MDH1B: variants seen among roughly 807,000 people sequenced by gnomAD.
MDH1B encodes malate dehydrogenase 1B.
A neutral mutation model predicts 61.4 loss-of-function variants in MDH1B; 60 were observed. That is an observed-to-expected ratio of 0.98 (90% CI 0.79 to 1.21). The LOEUF is 1.21. Ranked by LOEUF, MDH1B falls within the 50% of genes most tolerant of loss-of-function variation. The pLI is 0.00. For missense variants in MDH1B, 587 were observed against 632.1 expected, an observed-to-expected ratio of 0.93 and a Z score of 0.76; for synonymous variants, 236 against 218.7, an observed-to-expected ratio of 1.08 and a Z score of -0.70.
At chr2:206,740,989 C>A (rs549319180) in intron 10 of MDH1B, 65 bp downstream of exon 10, 10 of 1,603,782 alleles carry the variant, frequency 6.2e-6, no homozygotes, top group East Asian at 2.2e-5. Flanking sequence ...TATTCTCTAA[C>A]AACTGGACAA....
chr2:206,742,370 G>C (rs1687860355), intron 9 of MDH1B, among the ~76,000 whole-genome samples: 1 of 152,128 alleles, frequency 6.6e-6, no homozygotes, highest in Non-Finnish European at 1.5e-5. Flanking sequence ...GATGAAGCTG[G>C]GGACACTGAG....
At chr2:206,757,935 A>G (rs1688858657) in intron 2 of MDH1B, among the ~76,000 whole-genome samples, 1 of 152,228 alleles carries the variant, frequency 6.6e-6, no homozygotes, top group African/African-American at 2.4e-5. Context: ...ACAGTCAAAC[A>G]GAAACATTTT....
At chr2:206,739,215 G>T (rs2105912545) in intron 11 of MDH1B, among the ~76,000 whole-genome samples, 1 of 152,234 alleles carries the variant, frequency 6.6e-6, no homozygotes, top group African/African-American at 2.4e-5. Flanking sequence ...AGGAGTTTGA[G>T]ACCAGCCTGG....
rs1199963625 is a variant in MDH1B at position 206,756,964 on chromosome 2, A to G, written c.347T>C (p.Ile116Thr). The G allele has an allele frequency of 1.9e-6, 3 of 1,614,052 alleles. No homozygotes were observed. The highest frequency in any genetic ancestry group is 2.5e-6 in the Non-Finnish European group (3 of 1,179,990). ...VIAQENLGAH[I>T]EKEQEEEALK... ...GGCTTCTTCCTCCTGCTCTTTTTCT[A>G]TATGTGCCCCCAGGTTCTCTTGAGC... is the stretch of plus-strand genomic sequence containing the variant. The change falls in exon 4 of 12, where the codon ATA becomes ACA. Residue 116 changes from isoleucine (I) to threonine (T), a missense_variant. Ile to Thr is a moderately conservative substitution (Grantham distance 89). Transcript: ENST00000374412.
At chr2:206,765,110 C>A in intron 1 of MDH1B, 140 bp downstream of exon 1, 1 of 1,056,880 alleles carries the variant, frequency 9.5e-7, no homozygotes, top group East Asian at 2.9e-5. Flanking sequence ...CGCACCGTCA[C>A]GGTCCAGTAA....
chr2:206,755,412 G>C lies in MDH1B; in HGVS notation c.507C>G (p.Asp169Glu). ...TGAGATGTTCTTCCGCCTGCTTGTTGTCAAATAGAGTTATGCTAATTTCTG... is the reference window on the plus strand; with the variant it reads ...TGAGATGTTCTTCCGCCTGCTTGTTCTCAAATAGAGTTATGCTAATTTCTG... ...MHTEISITLF[D>E]NKQAEEHLKS... Residue 169 changes from aspartate to glutamate, a missense_variant, in exon 5 of 12, where the codon GAC (aspartate) becomes GAG (glutamate). Coordinates refer to ENST00000374412, the MANE Select transcript of MDH1B (RefSeq NM_001039845.3). 6.2e-7 allele frequency: 1 copy of C among 1,614,200 alleles called. No homozygotes were observed. The highest frequency in any genetic ancestry group is 8.5e-7 in the Non-Finnish European group (1 of 1,180,036).
At chr2:206,765,055 G>A (rs1689357023) in intron 1 of MDH1B, among the ~76,000 whole-genome samples, 195 bp downstream of exon 1, 1 of 152,138 alleles carries the variant, frequency 6.6e-6, no homozygotes, top group South Asian at 2.1e-4. Flanking sequence ...CTAAGGCAGG[G>A]ATATGTTTCC....
chr2:206,747,827 T>A (rs910163281), intron 7 of MDH1B, among the ~76,000 whole-genome samples: 1 of 118,010 alleles, frequency 8.5e-6, no homozygotes, highest in African/African-American at 4.4e-5. Context: ...GTTCTACTTA[T>A]AACATAAAGA....
chr2:206,747,012 T>C (rs900081427), intron 7 of MDH1B, among the ~76,000 whole-genome samples: 9 of 152,196 alleles, frequency 5.9e-5, no homozygotes, highest in Admixed American at 2.6e-4. Context: ...GAAATACTTA[T>C]ATTTGGATGT....
intron 2 of MDH1B, among the ~76,000 whole-genome samples, chr2:206,759,368 T>C (rs923517145): frequency 7.2e-5 from 11 of 152,236 alleles, no homozygotes; most frequent in African/African-American, 2.7e-4. Context: ...CCACATTTTC[T>C]TTCTCCAGTC....
intron 8 of MDH1B, 38 bp downstream of exon 8, chr2:206,746,249 T>C (rs757903859): frequency 1.3e-6 from 2 of 1,579,902 alleles, no homozygotes; most frequent in Admixed American, 3.7e-5. Flanking sequence ...TTAAGGTCAT[T>C]ATCAAGGTCA....
In MDH1B at chr2:206,746,268, G is replaced by C; in HGVS notation, c.1356+19C>G. ...GGTCATTATCAAGGTCAGTCCCCTT[G>C]CATCTATTCTGACATTACCTGAATT... On this transcript the variant is annotated intron_variant, in intron 8 of 11. Transcript: ENST00000374412. The C allele has an allele frequency of 6.2e-7, 1 of 1,605,048 alleles. No homozygotes were observed. Among genetic ancestry groups the C allele is most frequent in the Non-Finnish European group, 8.5e-7 (1 of 1,175,576 alleles).
At chr2:206,741,176 T>C in intron 9 of MDH1B, 72 bp from the exon 10 acceptor site, 12 of 1,590,178 alleles carry the variant, frequency 7.5e-6, no homozygotes, top group Non-Finnish European at 9.4e-6. Context: ...CATGAGATGT[T>C]CTGAGTCAAT....
intron 10 of MDH1B, among the ~76,000 whole-genome samples, chr2:206,739,944 C>A (rs745535172): frequency 5.7e-4 from 87 of 152,176 alleles, no homozygotes; most frequent in Admixed American, 1.2e-3. Flanking sequence ...TCCCTGGCCC[C>A]CATAAACCAC....
intron 1 of MDH1B, among the ~76,000 whole-genome samples, chr2:206,762,570 GTCCTAA>G (rs1689164531): frequency 6.6e-6 from 1 of 152,024 alleles, no homozygotes; most frequent in Admixed American, 6.6e-5. Context: ...TGTTTCTCCT[GTCCTAA>G]GAGACAAAAA....
chr2:206,763,654 C>T lies in MDH1B; in HGVS notation c.22+1596G>A, dbSNP rs137916818. ...CTACATTATCTAACTCTAGCCTCAC[C>T]TTATGAAATTCTCTTCCTTGTACTA... On this transcript the variant is annotated intron_variant, in intron 1 of 11. Transcript: ENST00000374412. Among the ~76,000 whole-genome samples, 403 of 152,288 alleles carry T rather than the reference C, an allele frequency of 2.6e-3. 6 individuals carry two copies. Among genetic ancestry groups the T allele is most frequent in the African/African-American group, 9.0e-3 (373 of 41,552 alleles).
chr2:206,750,878 C>A, intron 6 of MDH1B, 56 bp downstream of exon 6: 4 of 1,382,626 alleles, frequency 2.9e-6, no homozygotes, highest in Non-Finnish European at 3.9e-6. Flanking sequence ...AAGATTACAA[C>A]CATTAAACAT....
chr2:206,744,900 G>T (rs1688011725), intron 9 of MDH1B, among the ~76,000 whole-genome samples: 1 of 151,702 alleles, frequency 6.6e-6, no homozygotes, highest in East Asian at 1.9e-4. Flanking sequence ...ACTTCAGTCT[G>T]GGCAACAGAG....
At chr2:206,741,397 C>G in intron 9 of MDH1B, 1 of 398,656 alleles carries the variant, frequency 2.5e-6, no homozygotes, top group Non-Finnish European at 4.7e-6. Context: ...GAGGGTGTTG[C>G]CAAAGGAAAT....
Sources: allele counts gnomAD v4.1 joint callset (sites outside exome capture counted in the v4.1 genomes callset), GRCh38; gene constraint gnomAD v4.1.1; transcripts MANE v1.5; gene names NCBI Gene and HGNC (gene_info 2026-07-23, HGNC 2026-07-21).